RPAP2: variants seen among roughly 807,000 people sequenced by gnomAD.
The protein encoded by RPAP2 is RNA polymerase II associated protein 2.
RPAP2 carries 52 observed loss-of-function variants against 73.1 expected under a neutral mutation model. The ratio of observed to expected loss-of-function variants is 0.71; its 90% CI spans 0.57 to 0.90. The LOEUF (loss-of-function observed/expected upper bound fraction) is 0.90, where lower values mean the gene tolerates loss of function less well. Ranked by LOEUF, RPAP2 falls within the 40% of genes least tolerant of loss-of-function variation. The probability of loss-of-function intolerance (pLI) is 0.00; values close to 1 mark genes in which losing one functional copy is unlikely to be tolerated. For missense variants in RPAP2, 598 were observed against 701.8 expected, an observed-to-expected ratio of 0.85 and a Z score of 1.67; for synonymous variants, 225 against 242.1, an observed-to-expected ratio of 0.93 and a Z score of 0.65.
chr1:92,309,361 G>C (rs1214654391), intron 6 of RPAP2, among the ~76,000 whole-genome samples: 3 of 150,962 alleles, frequency 2.0e-5, no homozygotes, highest in African/African-American at 4.9e-5. Context: ...AGAATTGCTT[G>C]AACCTGGGAG....
intron 11 of RPAP2, chr1:92,363,617 T>G (rs1228419703): frequency 2.0e-5 from 4 of 196,198 alleles, no homozygotes; most frequent in Non-Finnish European, 4.3e-5. Flanking sequence ...GGGTTTGAAC[T>G]GTGCAAGTCC....
Position 92,307,763 on chromosome 1 carries a change from G to A in RPAP2, c.488+487G>A, listed in dbSNP as rs544481745. 6.6e-5 allele frequency among the ~76,000 whole-genome samples: 10 copies of A among 150,998 alleles called. No individual in the cohort carries two copies. The East Asian group carries it at 1.5e-3, about 23-fold the overall frequency. On this transcript the variant is annotated intron_variant, in intron 6 of 12. Coordinates refer to ENST00000610020, the MANE Select transcript of RPAP2 (RefSeq NM_024813.3). ...GTAAAAAGAGTTTATGGGCAATGCT[G>A]GAGTTTAGCCTCTTGGGAAATGATT... is the stretch of plus-strand genomic sequence containing the variant.
intron 11 of RPAP2, among the ~76,000 whole-genome samples, chr1:92,373,139 AATG>A (rs1251139250): frequency 1.3e-5 from 2 of 151,570 alleles, no homozygotes; most frequent in East Asian, 1.9e-4. Context: ...GACAATTATT[AATG>A]ATGATGGAGA....
At chr1:92,299,648 G>A (rs1336175119) in intron 1 of RPAP2, among the ~76,000 whole-genome samples, 1 of 152,138 alleles carries the variant, frequency 6.6e-6, no homozygotes, top group Non-Finnish European at 1.5e-5. Flanking sequence ...CTATGATACA[G>A]AAGAAAATTC....
At chr1:92,358,305 A>G (rs1274325091) in intron 11 of RPAP2, among the ~76,000 whole-genome samples, 1 of 152,036 alleles carries the variant, frequency 6.6e-6, no homozygotes, top group Non-Finnish European at 1.5e-5. Flanking sequence ...GTTTCTCATC[A>G]TAGTCTTTAC....
intron 12 of RPAP2, among the ~76,000 whole-genome samples, chr1:92,386,048 C>A (rs970962275): frequency 6.6e-6 from 1 of 152,226 alleles, no homozygotes; most frequent in Non-Finnish European, 1.5e-5. Flanking sequence ...TGCCCATAGG[C>A]CTTTCTAGAG....
rs957826084 is a variant in RPAP2, at chr1:92,363,871, T to C, written c.1689-16853T>C. 5 of 171,042 alleles carry C rather than the reference T, an allele frequency of 2.9e-5. No homozygotes were observed. In the Admixed American group the frequency reaches 3.0e-4, roughly 10 times the overall value. The allele number at this position is 171,042 out of a possible 1,614,324, so 10.6% of individuals were successfully genotyped here. On this transcript the variant is annotated intron_variant, in intron 11 of 12. Transcript: ENST00000610020. ...TACATATCCTTACATATGCATTATG[T>C]AATATTTATTATAAGCATATAACAT...
At chr1:92,326,083 A>C (rs1170543651) in intron 8 of RPAP2, among the ~76,000 whole-genome samples, 1 of 151,834 alleles carries the variant, frequency 6.6e-6, no homozygotes. Flanking sequence ...GCATATATGC[A>C]ACTATACTAG....
At chr1:92,351,305 CAAAA>C (rs60111119) in intron 11 of RPAP2, among the ~76,000 whole-genome samples, 2 of 86,836 alleles carry the variant, frequency 2.3e-5, no homozygotes, top group African/African-American at 8.4e-5. Flanking sequence ...GACTCTGTCT[CAAAA>C]AAAAAAAAAA....
Position 92,299,078 on chromosome 1 carries a change from C to G in RPAP2, c.5C>G (p.Ala2Gly). 6.6e-7 allele frequency: 1 copy of G among 1,505,848 alleles called. No individual in the cohort carries two copies. The highest frequency in any genetic ancestry group is 8.9e-7 in the Non-Finnish European group (1 of 1,121,986). The allele number at this position is 1,505,848 out of a possible 1,614,324, so 93.3% of individuals were successfully genotyped here. The stretch of plus-strand genomic sequence containing the variant: ...TCCGGCAGACTACTCTCCCCCATGG[C>G]GGACTTCGCTGGGCCGTCTTCTGCC... M[A>G]DFAGPSSAGR... Residue 2 changes from alanine to glycine, a missense_variant, in exon 1 of 13, where the codon GCG (alanine) becomes GGG (glycine). By Grantham distance (60) the Ala-to-Gly change is moderately conservative (BLOSUM62 0). Around this residue, in one of 3 missense-constraint regions of RPAP2, gnomAD observed 77 missense variants for 55.7 expected, o/e 1.38. Coordinates refer to ENST00000610020, the MANE Select transcript of RPAP2 (RefSeq NM_024813.3).
intron 12 of RPAP2, among the ~76,000 whole-genome samples, chr1:92,382,016 G>A (rs1351895655): frequency 8.0e-5 from 12 of 150,054 alleles, no homozygotes; most frequent in African/African-American, 2.2e-4. Context: ...GAGAACATGC[G>A]GTGTTTGGTT....
intron 10 of RPAP2, among the ~76,000 whole-genome samples, chr1:92,337,353 T>C (rs1340214001): frequency 6.6e-6 from 1 of 152,160 alleles, no homozygotes; most frequent in Admixed American, 6.5e-5. Context: ...ATAGACATCA[T>C]TTTAAACTGG....
intron 3 of RPAP2, 44 bp downstream of exon 3, chr1:92,301,634 C>T: frequency 1.2e-6 from 1 of 815,840 alleles, no homozygotes; most frequent in South Asian, 2.0e-5. Context: ...AGTATAACAT[C>T]TTTAAATCTG....
intron 11 of RPAP2, among the ~76,000 whole-genome samples, chr1:92,347,226 G>T (rs926283452): frequency 6.6e-6 from 1 of 152,218 alleles, no homozygotes; most frequent in African/African-American, 2.4e-5. Flanking sequence ...ACTATTCAGT[G>T]TTCCAGCTGA....
chr1:92,325,685 A>T (rs1652582276), intron 8 of RPAP2, among the ~76,000 whole-genome samples: 1 of 152,314 alleles, frequency 6.6e-6, no homozygotes, highest in East Asian at 1.9e-4. Context: ...ACCCAAGCCA[A>T]GAAATAGGTC....
intron 11 of RPAP2, among the ~76,000 whole-genome samples, chr1:92,365,425 T>C (rs913380134): frequency 6.6e-6 from 1 of 152,194 alleles, no homozygotes; most frequent in African/African-American, 2.4e-5. Context: ...TTCAAAGATT[T>C]TGATTCATTG....
In RPAP2 at chr1:92,303,567, TA is replaced by T. The variant is rs199676891; in HGVS notation, c.235-404del. ...TACTTTGTTTTTAAAGATTATGCTT[TA>T]AAAAATAGGTAAAATTATATTTTAT... On this transcript the variant is annotated intron_variant, in intron 3 of 12. Coordinates refer to ENST00000610020, the MANE Select transcript of RPAP2 (RefSeq NM_024813.3). Among the ~76,000 whole-genome samples the T allele has an allele frequency of 7.8e-3, 1,184 of 152,290 alleles. 6 individuals are homozygous for T. The highest frequency in any genetic ancestry group is 0.027 in the African/African-American group (1,135 of 41,574).
chr1:92,383,293 CA>C (rs1213478318), intron 12 of RPAP2, among the ~76,000 whole-genome samples: 4 of 152,056 alleles, frequency 2.6e-5, no homozygotes, highest in Admixed American at 6.5e-5. Flanking sequence ...TAGTTTTTTC[CA>C]ATTCTGTGAA....
intron 1 of RPAP2, among the ~76,000 whole-genome samples, chr1:92,299,544 C>T (rs556546774): frequency 6.0e-4 from 91 of 152,200 alleles, no homozygotes; most frequent in Admixed American, 2.2e-3. Flanking sequence ...TGCCGGACTC[C>T]CCTCTTCCCC....
Sources: gnomAD v4.1 joint callset for allele counts (sites outside exome capture counted in the v4.1 genomes callset) on GRCh38, gnomAD v4.1.1 for gene constraint, gnomAD v4.1.1 regional missense constraint, MANE v1.5 for transcripts, NCBI Gene and HGNC (gene_info 2026-07-23, HGNC 2026-07-21) for gene names.